The following KCNH8 variants were observed in gnomAD, a reference collection of about 807,000 sequenced individuals.
KCNH8 encodes the protein voltage-gated delayed rectifier potassium channel KCNH8.
Under a neutral mutation model 103.6 loss-of-function variants are expected in KCNH8, and 70 were observed. The ratio of observed to expected loss-of-function variants is 0.68; its 90% confidence interval spans 0.56 to 0.82. The LOEUF is 0.82. KCNH8 is among the 40% of genes least tolerant of loss of function. The pLI is 0.00. For missense variants in KCNH8, 1,217 were observed against 1,329.9 expected (o/e 0.92, Z 1.32); for synonymous variants, 498 against 489.4 (o/e 1.02, Z -0.23).
intron 1 of KCNH8, among the ~76,000 whole-genome samples, chr3:19,163,986 C>A (rs951994918): frequency 3.3e-5 from 5 of 152,102 alleles, no homozygotes; most frequent in Non-Finnish European, 5.9e-5. Context: ...CAGTCAACAG[C>A]AGGCTATTGG....
intron 7 of KCNH8, among the ~76,000 whole-genome samples, chr3:19,399,762 G>A (rs2066581502): frequency 6.6e-6 from 1 of 151,930 alleles, no homozygotes; most frequent in African/African-American, 2.4e-5. Context: ...GATGAGCAAT[G>A]TAGAACTGAA....
chr3:19,226,080 G>C (rs1486980639), intron 1 of KCNH8, among the ~76,000 whole-genome samples: 1 of 152,176 alleles, frequency 6.6e-6, no homozygotes, highest in Non-Finnish European at 1.5e-5. Context: ...CCCAGTCTTA[G>C]ATGTATGTTC....
intron 5 of KCNH8, among the ~76,000 whole-genome samples, chr3:19,376,234 T>C (rs1574987287): frequency 1.3e-5 from 2 of 152,162 alleles, no homozygotes; most frequent in African/African-American, 4.8e-5. Context: ...CAGAGTGCTG[T>C]GCTAGCAATC....
chr3:19,504,961 T>C lies in KCNH8; in HGVS notation c.2041-5402T>C, dbSNP rs150912559. 2.5e-3 allele frequency among the ~76,000 whole-genome samples: 377 copies of C among 148,868 alleles called. 1 individual carries two copies. The highest frequency in any genetic ancestry group is 8.8e-3 in the African/African-American group (353 of 40,006). On this transcript the variant is annotated intron_variant, in intron 11 of 15. Transcript: ENST00000328405. ...TGATAATAGACTAGATAAAAGAAAATGTGAGATATATATATATATATACAC... is the reference window on the plus strand; with the variant it reads ...TGATAATAGACTAGATAAAAGAAAACGTGAGATATATATATATATATACAC...
chr3:19,198,818 C>T (rs1454395678), intron 1 of KCNH8, among the ~76,000 whole-genome samples: 3 of 151,900 alleles, frequency 2.0e-5, no homozygotes, highest in African/African-American at 7.3e-5. Context: ...ATTAAGTATG[C>T]CATGGCTTTT....
chr3:19,246,240 T>C (rs2064202380), intron 1 of KCNH8, among the ~76,000 whole-genome samples: 1 of 151,430 alleles, frequency 6.6e-6, no homozygotes, highest in Admixed American at 6.6e-5. Context: ...AAATGAATGA[T>C]TAAATAACTT....
At chr3:19,448,756 A>G (rs2125181244) in intron 8 of KCNH8, among the ~76,000 whole-genome samples, 1 of 152,194 alleles carries the variant, frequency 6.6e-6, no homozygotes, top group South Asian at 2.1e-4. Context: ...CTAAATGTTT[A>G]GTCTTTTTTT....
At chr3:19,458,660 TAG>T (rs979520482) in intron 11 of KCNH8, among the ~76,000 whole-genome samples, 4 of 152,012 alleles carry the variant, frequency 2.6e-5, no homozygotes, top group African/African-American at 9.7e-5. Flanking sequence ...CGTTATTAAC[TAG>T]AGTCACCATG....
chr3:19,155,303 T>C (rs955888321), intron 1 of KCNH8, among the ~76,000 whole-genome samples: 1 of 152,226 alleles, frequency 6.6e-6, no homozygotes, highest in African/African-American at 2.4e-5. Context: ...AATATTTTAC[T>C]GCAGAAATGC....
At chr3:19,326,915 G>C (rs1368343778) in intron 3 of KCNH8, among the ~76,000 whole-genome samples, 5 of 152,132 alleles carry the variant, frequency 3.3e-5, no homozygotes, top group Admixed American at 3.3e-4. Context: ...TTGGAACTTG[G>C]CTGGGGACAG....
At chr3:19,185,486 G>A (rs2063493120) in intron 1 of KCNH8, among the ~76,000 whole-genome samples, 2 of 151,886 alleles carry the variant, frequency 1.3e-5, no homozygotes, top group Non-Finnish European at 2.9e-5. Flanking sequence ...GATTTACTGA[G>A]TTATGAGAGT....
intron 2 of KCNH8, among the ~76,000 whole-genome samples, chr3:19,260,193 T>G (rs1271725783): frequency 1.3e-5 from 2 of 151,604 alleles, no homozygotes; most frequent in Non-Finnish European, 3.0e-5. Flanking sequence ...ATGTACATAT[T>G]CAAATGTAAG....
At chr3:19,203,411 T>A (rs1360254116) in intron 1 of KCNH8, among the ~76,000 whole-genome samples, 1 of 152,124 alleles carries the variant, frequency 6.6e-6, no homozygotes, top group Non-Finnish European at 1.5e-5. Context: ...GTTTACATAT[T>A]TCAATATAGA....
chr3:19,378,747 A>T (rs1358693810), intron 5 of KCNH8, among the ~76,000 whole-genome samples: 3 of 152,234 alleles, frequency 2.0e-5, no homozygotes, highest in Admixed American at 6.5e-5. Flanking sequence ...TTATGATGAT[A>T]TACTTTATGG....
chr3:19,196,401 C>G (rs1227488428), intron 1 of KCNH8, among the ~76,000 whole-genome samples: 2 of 151,714 alleles, frequency 1.3e-5, no homozygotes, highest in Non-Finnish European at 2.9e-5. Context: ...GGTATTATCA[C>G]TTAATGCTCA....
At chr3:19,173,542 G>A (rs112625199) in intron 1 of KCNH8, among the ~76,000 whole-genome samples, 3 of 151,976 alleles carry the variant, frequency 2.0e-5, no homozygotes, top group African/African-American at 7.3e-5. Context: ...TACTCAACTC[G>A]GATGTCTTAG....
At chr3:19,320,930 A>G (rs546651321) in intron 3 of KCNH8, among the ~76,000 whole-genome samples, 1 of 151,950 alleles carries the variant, frequency 6.6e-6, no homozygotes, top group East Asian at 1.9e-4. Context: ...ATTTCCAGGA[A>G]TTTATTCATC....
At chr3:19,494,897 G>T (rs1388541238) in intron 11 of KCNH8, among the ~76,000 whole-genome samples, 1 of 152,082 alleles carries the variant, frequency 6.6e-6, no homozygotes, top group Non-Finnish European at 1.5e-5. Context: ...CATTCTGACT[G>T]CTGTGAAATA....
chr3:19,495,644 C>G (rs2068422917), intron 11 of KCNH8, among the ~76,000 whole-genome samples: 1 of 152,102 alleles, frequency 6.6e-6, no homozygotes, highest in Non-Finnish European at 1.5e-5. Context: ...AACATGATAC[C>G]TCAGCTTTGT....
Sources: allele counts gnomAD v4.1 joint callset (sites outside exome capture counted in the v4.1 genomes callset), GRCh38; gene constraint gnomAD v4.1.1; transcripts MANE v1.5; gene names NCBI Gene and HGNC (gene_info 2026-07-23, HGNC 2026-07-21).